HCN1: variants seen among roughly 807,000 people sequenced by gnomAD.
The protein encoded by HCN1 is hyperpolarization activated cyclic nucleotide gated potassium channel 1.
In HCN1, 13 loss-of-function variants were observed where a neutral mutation model predicts 78.9. The observed-to-expected ratio is 0.16, with a 90% CI of 0.11 to 0.26. The LOEUF is 0.26. Among genes scored for constraint, HCN1 ranks in the 10% least tolerant of loss-of-function variants. The pLI, the probability that HCN1 is intolerant of heterozygous loss-of-function variation, is 1.00. For missense variants in HCN1, 810 were observed against 1,154.3 expected (o/e 0.70, Z 4.32); for synonymous variants, 552 against 455.5 (o/e 1.21, Z -2.70).
At chr5:45,421,054 T>C (rs1740216048) in intron 3 of HCN1, among the ~76,000 whole-genome samples, 1 of 152,056 alleles carries the variant, frequency 6.6e-6, no homozygotes, top group Non-Finnish European at 1.5e-5. Context: ...TCCTTCTCTC[T>C]TTCTCTCTTT....
intron 4 of HCN1, among the ~76,000 whole-genome samples, chr5:45,369,903 T>C (rs994677134): frequency 3.3e-5 from 5 of 152,052 alleles, no homozygotes; most frequent in African/African-American, 4.8e-5. Flanking sequence ...GTTAGCTCTG[T>C]ATTTTCTTAA....
intron 2 of HCN1, among the ~76,000 whole-genome samples, chr5:45,553,890 C>A (rs747903513): frequency 1.3e-5 from 2 of 151,858 alleles, no homozygotes; most frequent in Non-Finnish European, 2.9e-5. Flanking sequence ...GGAGGGCCAA[C>A]TGTACCTGGA....
intron 1 of HCN1, among the ~76,000 whole-genome samples, chr5:45,685,863 C>T (rs973838827): frequency 6.6e-6 from 1 of 152,110 alleles, no homozygotes; most frequent in African/African-American, 2.4e-5. Context: ...ATTTACATGG[C>T]CATTCCTTCA....
intron 6 of HCN1, among the ~76,000 whole-genome samples, chr5:45,295,365 G>A (rs562047039): frequency 9.2e-5 from 14 of 151,928 alleles, no homozygotes; most frequent in Non-Finnish European, 1.9e-4. Flanking sequence ...GAGTGGCATG[G>A]TACTTTTTGC....
At chr5:45,366,482 T>C (rs547459709) in intron 4 of HCN1, among the ~76,000 whole-genome samples, 36 of 151,902 alleles carry the variant, frequency 2.4e-4, no homozygotes, top group Middle Eastern at 3.4e-3. Context: ...ATTGTTTAAA[T>C]ATCACTAATC....
At chr5:45,647,802 G>A (rs988055660) in intron 1 of HCN1, among the ~76,000 whole-genome samples, 3 of 152,040 alleles carry the variant, frequency 2.0e-5, no homozygotes, top group African/African-American at 7.2e-5. Context: ...CAGAAACCAT[G>A]GAGCCATCCT....
intron 1 of HCN1, among the ~76,000 whole-genome samples, 169 bp from the exon 2 acceptor site, chr5:45,645,777 T>C (rs1395269391): frequency 6.6e-6 from 1 of 152,116 alleles, no homozygotes; most frequent in Admixed American, 6.5e-5. Flanking sequence ...TAAATCTAAG[T>C]AAAATTAATA....
intron 3 of HCN1, among the ~76,000 whole-genome samples, chr5:45,404,444 G>C (rs1182455117): frequency 6.6e-6 from 1 of 150,730 alleles, no homozygotes; most frequent in Non-Finnish European, 1.5e-5. Context: ...TTATGTTTTT[G>C]TTATTAAAAG....
intron 2 of HCN1, among the ~76,000 whole-genome samples, chr5:45,631,832 A>G (rs1241345660): frequency 6.6e-6 from 1 of 152,202 alleles, no homozygotes; most frequent in Admixed American, 6.6e-5. Flanking sequence ...TGTTTCTAGA[A>G]TAACTATTGT....
chr5:45,461,983 C>T lies in HCN1; in HGVS notation c.874G>A (p.Ala292Thr), dbSNP rs1741171183. Reference protein sequence around the residue: ...EEIFHMTYDLASAVVRIFNLI... With the variant: ...EEIFHMTYDLTSAVVRIFNLI... Reference sequence around the variant, plus strand: ...TTAAAAATTCTCACCACTGCACTGGCGAGATCATATGTCATGTGGAATATC... The same window carrying T: ...TTAAAAATTCTCACCACTGCACTGGTGAGATCATATGTCATGTGGAATATC... Residue 292 changes from alanine (A) to threonine (T), a missense_variant, in exon 3 of 8, where the codon GCC becomes ACC. Ala to Thr is a moderately conservative substitution (Grantham distance 58). Around this residue, in one of 6 missense-constraint regions of HCN1, gnomAD observed 104 missense variants for 402.8 expected, o/e 0.26. Coordinates refer to ENST00000303230, the MANE Select transcript of HCN1 (RefSeq NM_021072.4). 1 of 1,613,052 alleles carries T rather than the reference C, an allele frequency of 6.2e-7. No homozygotes were observed. The highest frequency in any genetic ancestry group is 8.5e-7 in the Non-Finnish European group (1 of 1,179,388).
intron 1 of HCN1, among the ~76,000 whole-genome samples, chr5:45,676,498 T>C (rs541535690): frequency 1.3e-5 from 2 of 151,832 alleles, no homozygotes; most frequent in East Asian, 1.9e-4. Context: ...CAGAGCAAGA[T>C]ATGTTTGGAG....
chr5:45,328,496 T>A (rs1200705523), intron 5 of HCN1, among the ~76,000 whole-genome samples: 1 of 151,538 alleles, frequency 6.6e-6, no homozygotes, highest in Non-Finnish European at 1.5e-5. Context: ...GTAGTGGGGC[T>A]TCAACATTTA....
chr5:45,292,334 G>A (rs930751618), intron 6 of HCN1, among the ~76,000 whole-genome samples: 1 of 151,874 alleles, frequency 6.6e-6, no homozygotes, highest in African/African-American at 2.4e-5. Flanking sequence ...CAAATACCCA[G>A]TTCCTCAGTC....
chr5:45,609,801 G>C (rs1744798680), intron 2 of HCN1, among the ~76,000 whole-genome samples: 1 of 152,124 alleles, frequency 6.6e-6, no homozygotes. Flanking sequence ...ATAACATGCA[G>C]GAGAAGCAAA....
At chr5:45,492,532 T>C (rs1741909837) in intron 2 of HCN1, among the ~76,000 whole-genome samples, 1 of 145,966 alleles carries the variant, frequency 6.9e-6, no homozygotes, top group Non-Finnish European at 1.5e-5. Flanking sequence ...TTTTTTTTTT[T>C]TTTTTGAGAC....
chr5:45,428,951 G>A (rs1197107439), intron 3 of HCN1, among the ~76,000 whole-genome samples: 3 of 152,092 alleles, frequency 2.0e-5, no homozygotes, highest in Admixed American at 2.0e-4. Flanking sequence ...ACAATATTCT[G>A]TACCCAACTG....
chr5:45,470,275 G>A (rs1433000101), intron 2 of HCN1, among the ~76,000 whole-genome samples: 1 of 151,888 alleles, frequency 6.6e-6, no homozygotes, highest in Non-Finnish European at 1.5e-5. Context: ...CCTTCCAAAA[G>A]AAATCACTAA....
intron 2 of HCN1, among the ~76,000 whole-genome samples, chr5:45,572,773 G>A (rs1456509265): frequency 6.6e-6 from 1 of 152,108 alleles, no homozygotes; most frequent in East Asian, 1.9e-4. Flanking sequence ...TAGCTATTGA[G>A]GATACAGCAC....
At position 45,309,982 on chromosome 5, in the gene HCN1, A is replaced by G. The variant is rs187256600; in HGVS notation, c.1378-6143T>C. 1.4e-3 allele frequency among the ~76,000 whole-genome samples: 211 copies of G among 152,196 alleles called. 1 individual carries two copies. The highest frequency in any genetic ancestry group is 3.1e-3 in the Admixed American group (48 of 15,280). Reference sequence around the variant, plus strand: ...TATATCTGGTAGAATTCAGCTGTGAATCCATCTGGTCTTGGGCTTTTTTTG... The same window carrying G: ...TATATCTGGTAGAATTCAGCTGTGAGTCCATCTGGTCTTGGGCTTTTTTTG... On this transcript the variant is annotated intron_variant, in intron 5 of 7. Coordinates refer to ENST00000303230, the MANE Select transcript of HCN1 (RefSeq NM_021072.4).
Sources: allele counts gnomAD v4.1 joint callset (sites outside exome capture counted in the v4.1 genomes callset), GRCh38; gene constraint gnomAD v4.1.1; regional missense constraint gnomAD v4.1.1; transcripts MANE v1.5; gene names NCBI Gene and HGNC (gene_info 2026-07-23, HGNC 2026-07-21).